GRID2: variants seen among roughly 807,000 people sequenced by gnomAD.
GRID2 encodes the protein glutamate ionotropic receptor delta type subunit 2.
In GRID2, 33 loss-of-function variants were observed where a neutral mutation model predicts 114.8. That is an observed-to-expected ratio of 0.29 (90% CI 0.22 to 0.38). GRID2 has a LOEUF of 0.38. Among genes scored for constraint, GRID2 ranks in the 10% least tolerant of loss-of-function variants. GRID2 has a pLI of 1.00. For synonymous variants in GRID2, 505 were observed against 449.9 expected (o/e 1.12, Z -1.55); for missense variants, 1,184 against 1,257.7 (o/e 0.94, Z 0.89).
chr4:92,858,425 G>A (rs1744312553), intron 2 of GRID2, among the ~76,000 whole-genome samples: 1 of 152,128 alleles, frequency 6.6e-6, no homozygotes, highest in Non-Finnish European at 1.5e-5. Context: ...ACTTTTAAGG[G>A]TTCAAGTCTT....
intron 8 of GRID2, among the ~76,000 whole-genome samples, chr4:93,332,312 G>C (rs1477139204): frequency 6.6e-6 from 1 of 151,186 alleles, no homozygotes; most frequent in Non-Finnish European, 1.5e-5. Context: ...GAGAGAGAGA[G>C]AGAGAGAGAG....
chr4:92,968,740 A>G (rs556263452), intron 2 of GRID2, among the ~76,000 whole-genome samples: 74 of 151,820 alleles, frequency 4.9e-4, no homozygotes, highest in African/African-American at 1.6e-3. Flanking sequence ...GTCACTCTTC[A>G]TTTACTCCAC....
At chr4:93,165,864 A>C (rs1246963591) in intron 4 of GRID2, among the ~76,000 whole-genome samples, 1 of 152,112 alleles carries the variant, frequency 6.6e-6, no homozygotes, top group African/African-American at 2.4e-5. Flanking sequence ...GCAGAAATTT[A>C]AACACTGAAA....
At chr4:93,374,279 A>G (rs1763184356) in intron 8 of GRID2, among the ~76,000 whole-genome samples, 1 of 152,190 alleles carries the variant, frequency 6.6e-6, no homozygotes, top group African/African-American at 2.4e-5. Context: ...ACACTTCACA[A>G]TTTCAAAATC....
chr4:93,029,785 G>T (rs1366925949), intron 2 of GRID2, among the ~76,000 whole-genome samples: 1 of 152,074 alleles, frequency 6.6e-6, no homozygotes, highest in African/African-American at 2.4e-5. Flanking sequence ...TTATTGGAAT[G>T]ATTGCTTTGA....
chr4:92,894,669 T>A (rs1316273423), intron 2 of GRID2, among the ~76,000 whole-genome samples: 2 of 152,122 alleles, frequency 1.3e-5, no homozygotes, highest in Non-Finnish European at 2.9e-5. Flanking sequence ...GGGGAACACG[T>A]TTAAAAGAAC....
At chr4:93,236,834 A>G (rs904389854) in intron 7 of GRID2, among the ~76,000 whole-genome samples, 3 of 152,068 alleles carry the variant, frequency 2.0e-5, no homozygotes, top group Admixed American at 6.6e-5. Flanking sequence ...TTTTTGGCAA[A>G]CCCACTGAAT....
At chr4:92,482,758 A>T (rs1722676622) in intron 1 of GRID2, among the ~76,000 whole-genome samples, 1 of 152,226 alleles carries the variant, frequency 6.6e-6, no homozygotes, top group Admixed American at 6.5e-5. Context: ...CATAACTTAA[A>T]AACTCTAACG....
chr4:92,766,053 T>C (rs1738249007), intron 2 of GRID2, among the ~76,000 whole-genome samples: 3 of 152,216 alleles, frequency 2.0e-5, no homozygotes. Context: ...GCTTGAGCCA[T>C]ATTTGACTAG....
At chr4:93,366,096 T>C (rs1762308215) in intron 8 of GRID2, among the ~76,000 whole-genome samples, 1 of 152,038 alleles carries the variant, frequency 6.6e-6, no homozygotes, top group Admixed American at 6.6e-5. Flanking sequence ...AGCATGTGTG[T>C]TTGAGCAATA....
chr4:92,621,345 A>G (rs1015987116), intron 2 of GRID2, among the ~76,000 whole-genome samples: 2 of 151,902 alleles, frequency 1.3e-5, no homozygotes, highest in Non-Finnish European at 2.9e-5. Flanking sequence ...AAAGATAAAC[A>G]TATGAGAGAA....
chr4:93,072,428 T>C (rs1728890461), intron 2 of GRID2, among the ~76,000 whole-genome samples: 1 of 152,152 alleles, frequency 6.6e-6, no homozygotes, highest in Non-Finnish European at 1.5e-5. Context: ...GGGGAGTTTG[T>C]ACTTATTTGC....
chr4:93,061,332 A>G (rs1727789952), intron 2 of GRID2, among the ~76,000 whole-genome samples: 1 of 151,502 alleles, frequency 6.6e-6, no homozygotes, highest in Non-Finnish European at 1.5e-5. Context: ...TGGGCTTCAC[A>G]TGTCTCTTAT....
rs146022855 is a variant in GRID2, at chr4:92,740,672, C to CATAGATAGATAG, written c.244+150393_244+150404dup. 2.7e-4 allele frequency among the ~76,000 whole-genome samples: 23 copies of CATAGATAGATAG among 85,944 alleles called. No individual in the cohort carries two copies. The East Asian group carries it at 3.9e-3, about 15-fold the overall frequency. The allele number at this position is 85,944 out of a possible 152,430, so 56.4% of individuals were successfully genotyped here. A position where few individuals can be genotyped will look rare whatever the true frequency, so the allele number is the denominator to read the frequency against. Reference sequence around the variant, plus strand: ...ATGGTAGCACATCATGTTTATTCTGCATAGATAGATAGATAGATGATAGAT... The same window carrying CATAGATAGATAG: ...ATGGTAGCACATCATGTTTATTCTGCATAGATAGATAGATAGATAGATAGATAGATGATAGAT... On this transcript the variant is annotated intron_variant, in intron 2 of 15. Transcript: ENST00000282020.
intron 14 of GRID2, among the ~76,000 whole-genome samples, chr4:93,730,410 C>T (rs963480511): frequency 6.6e-6 from 1 of 152,218 alleles, no homozygotes; most frequent in Non-Finnish European, 1.5e-5. Flanking sequence ...GTGTGGAGCT[C>T]AGCTGTGCTG....
intron 2 of GRID2, among the ~76,000 whole-genome samples, chr4:92,791,125 T>C (rs758861826): frequency 6.6e-5 from 10 of 151,806 alleles, no homozygotes; most frequent in Non-Finnish European, 1.2e-4. Flanking sequence ...AAAAAAATTA[T>C]ATCCCAAATT....
At chr4:93,757,030 C>T (rs527479597) in intron 14 of GRID2, among the ~76,000 whole-genome samples, 2 of 152,128 alleles carry the variant, frequency 1.3e-5, no homozygotes, top group African/African-American at 4.8e-5. Flanking sequence ...TTCTCAGGAA[C>T]ATTTTTGCAG....
At chr4:92,315,993 C>CAAAAAAAAAAAAAAAAAAAAAAGAA (rs778361565) in intron 1 of GRID2, among the ~76,000 whole-genome samples, 2 of 61,888 alleles carry the variant, frequency 3.2e-5, no homozygotes, top group Non-Finnish European at 6.2e-5. Flanking sequence ...AAACAAAAAG[C>CAAAAAAAAAAAAAAAAAAAAAAGAA]AAAAAAAAAA....
At chr4:92,427,653 C>T (rs960874800) in intron 1 of GRID2, among the ~76,000 whole-genome samples, 2 of 152,064 alleles carry the variant, frequency 1.3e-5, no homozygotes, top group Admixed American at 6.6e-5. Context: ...GCAACTAGAA[C>T]ATTTTATCAA....
Sources: gnomAD v4.1 joint callset for allele counts (sites outside exome capture counted in the v4.1 genomes callset) on GRCh38, gnomAD v4.1.1 for gene constraint, MANE v1.5 for transcripts, NCBI Gene and HGNC (gene_info 2026-07-23, HGNC 2026-07-21) for gene names.